Variants in CLASP2 observed in about 807,000 individuals in gnomAD.
CLASP2 encodes cytoplasmic linker associated protein 2.
In CLASP2, 47 loss-of-function variants were observed where a neutral mutation model predicts 194.4. The observed-to-expected ratio is 0.24, with a 90% CI of 0.19 to 0.31. CLASP2 has a LOEUF of 0.31. Ranked by LOEUF, CLASP2 falls within the 10% of genes least tolerant of loss-of-function variation. The pLI is 1.00. For missense variants in CLASP2, 1,445 were observed against 1,823.6 expected, an observed-to-expected ratio of 0.79 and a Z score of 3.78; for synonymous variants, 619 against 633.5, an observed-to-expected ratio of 0.98 and a Z score of 0.34.
intron 11 of CLASP2, among the ~76,000 whole-genome samples, chr3:33,621,720 C>T (rs2077139359): frequency 6.6e-6 from 1 of 152,102 alleles, no homozygotes; most frequent in Admixed American, 6.6e-5. Flanking sequence ...TGGAAGACTA[C>T]AAACTTAAAG....
At chr3:33,662,992 G>C (rs1289735148) in intron 7 of CLASP2, among the ~76,000 whole-genome samples, 1 of 151,984 alleles carries the variant, frequency 6.6e-6, no homozygotes, top group African/African-American at 2.4e-5. Flanking sequence ...TCCTGTGTAT[G>C]AGTCTCTTGA....
chr3:33,613,609 C>T (rs1448972550), intron 12 of CLASP2, among the ~76,000 whole-genome samples: 2 of 152,218 alleles, frequency 1.3e-5, no homozygotes, highest in East Asian at 1.9e-4. Flanking sequence ...GATCTATAGA[C>T]TTGAAGCTGT....
intron 9 of CLASP2, among the ~76,000 whole-genome samples, chr3:33,631,075 T>C (rs1354557766): frequency 6.6e-6 from 1 of 152,212 alleles, no homozygotes; most frequent in Non-Finnish European, 1.5e-5. Context: ...TAAGGACAAT[T>C]TTCCTTTCAG....
At chr3:33,675,144 C>G (rs373823560) in intron 6 of CLASP2, among the ~76,000 whole-genome samples, 2 of 152,066 alleles carry the variant, frequency 1.3e-5, no homozygotes, top group Non-Finnish European at 2.9e-5. Flanking sequence ...AAAAAGAGAA[C>G]TTTAGACCAA....
intron 16 of CLASP2, 100 bp from the exon 17 acceptor site, chr3:33,604,309 ATTTC>A: frequency 1.3e-6 from 1 of 767,818 alleles, no homozygotes; most frequent in South Asian, 1.7e-5. Flanking sequence ...GTTGAGAAGT[ATTTC>A]TTTTTTCTTT....
At chr3:33,653,741 TA>T (rs2083629342) in intron 7 of CLASP2, among the ~76,000 whole-genome samples, 1 of 152,126 alleles carries the variant, frequency 6.6e-6, no homozygotes, top group African/African-American at 2.4e-5. Flanking sequence ...TCTAGATGAA[TA>T]AATACTAGTC....
chr3:33,663,638 A>G (rs1364423355), intron 6 of CLASP2, 123 bp from the exon 7 acceptor site: 9 of 653,860 alleles, frequency 1.4e-5, no homozygotes, highest in Non-Finnish European at 1.0e-5. Context: ...TTTTCTATAC[A>G]ACTCTCTTTC....
chr3:33,706,354 A>G (rs1336118117), intron 1 of CLASP2, among the ~76,000 whole-genome samples: 1 of 152,246 alleles, frequency 6.6e-6, no homozygotes, highest in African/African-American at 2.4e-5. Context: ...ATTTGAAGAT[A>G]TCTTCTTTTA....
intron 7 of CLASP2, among the ~76,000 whole-genome samples, chr3:33,660,484 C>T (rs1263309779): frequency 6.6e-6 from 1 of 152,160 alleles, no homozygotes; most frequent in African/African-American, 2.4e-5. Context: ...AGTTATATCA[C>T]CTTTACAACA....
At chr3:33,547,325 T>G (rs1484708047) in intron 30 of CLASP2, among the ~76,000 whole-genome samples, 2 of 152,236 alleles carry the variant, frequency 1.3e-5, no homozygotes, top group African/African-American at 2.4e-5. Flanking sequence ...CCTCTCTGCC[T>G]GCTGACATCC....
intron 29 of CLASP2, among the ~76,000 whole-genome samples, chr3:33,556,210 A>C (rs564946758): frequency 1.3e-5 from 2 of 152,328 alleles, no homozygotes; most frequent in African/African-American, 4.8e-5. Context: ...AAGAGATGTA[A>C]AATTTTATAT....
rs9829183 is a variant in CLASP2 at position 33,531,732 on chromosome 3, G to A, written c.3787+3501C>T. On this transcript the variant is annotated intron_variant, in intron 34 of 38. Transcript: ENST00000682230. ...GGAGGTTGCAGTGAGCCAAGATCGC[G>A]CCATTGCACTCCAGCCTAGACGACA... 5.2e-3 allele frequency among the ~76,000 whole-genome samples: 786 copies of A among 152,230 alleles called. 10 individuals are homozygous for A. Among genetic ancestry groups the A allele is most frequent in the African/African-American group, 0.018 (762 of 41,530 alleles).
intron 6 of CLASP2, among the ~76,000 whole-genome samples, chr3:33,675,745 G>A (rs1303817816): frequency 1.4e-5 from 2 of 142,858 alleles, no homozygotes; most frequent in Non-Finnish European, 3.1e-5. Flanking sequence ...AAAGTCTCAG[G>A]ATACAAAATC....
At chr3:33,618,679 GGA>G (rs2076618796) in intron 12 of CLASP2, among the ~76,000 whole-genome samples, 3 of 151,918 alleles carry the variant, frequency 2.0e-5, no homozygotes, top group Non-Finnish European at 4.4e-5. Context: ...ATAAAAAAAA[GGA>G]AGTTAAAGAA....
At chr3:33,547,368 T>C (rs368375500) in intron 30 of CLASP2, among the ~76,000 whole-genome samples, 57 of 152,366 alleles carry the variant, frequency 3.7e-4, no homozygotes, top group African/African-American at 1.4e-3. Context: ...CCTTGACTTC[T>C]GCCATGATTG....
chr3:33,643,375 T>C (rs889193428), intron 8 of CLASP2, among the ~76,000 whole-genome samples: 1 of 151,868 alleles, frequency 6.6e-6, no homozygotes, highest in Non-Finnish European at 1.5e-5. Context: ...AAGAGAGCTA[T>C]TTGTTATAAA....
rs2045768468 is a variant in CLASP2 at position 33,496,310 on chromosome 3, T to G, written c.*2321A>C. On this transcript the variant is annotated 3_prime_UTR_variant, in exon 39 of 39. Coordinates refer to ENST00000682230, the MANE Select transcript of CLASP2 (RefSeq NM_001365631.1). ...AGTGCAGTAAATGAACAACACTTATTAATAATTAATTTGGGAGAGAATAGC... is the reference window on the plus strand; with the variant it reads ...AGTGCAGTAAATGAACAACACTTATGAATAATTAATTTGGGAGAGAATAGC... 1 of 152,206 alleles carries G rather than the reference T, an allele frequency of 6.6e-6. No homozygotes were observed. Among genetic ancestry groups the G allele is most frequent in the South Asian group, 2.1e-4 (1 of 4,834 alleles). 9.4% of individuals were successfully genotyped at this position (152,206 alleles called of 1,614,324 possible).
At chr3:33,671,843 G>C (rs1161819705) in intron 6 of CLASP2, among the ~76,000 whole-genome samples, 4 of 152,194 alleles carry the variant, frequency 2.6e-5, no homozygotes, top group Non-Finnish European at 1.5e-5. Context: ...CTGATTGCTA[G>C]CACAGCAGTC....
At chr3:33,677,204 G>A (rs1241895917) in intron 6 of CLASP2, among the ~76,000 whole-genome samples, 1 of 152,096 alleles carries the variant, frequency 6.6e-6, no homozygotes, top group Non-Finnish European at 1.5e-5. Context: ...CCATTACTGG[G>A]TATATACCCA....
Sources: allele counts gnomAD v4.1 joint callset (sites outside exome capture counted in the v4.1 genomes callset), GRCh38; gene constraint gnomAD v4.1.1; transcripts MANE v1.5; gene names NCBI Gene and HGNC (gene_info 2026-07-23, HGNC 2026-07-21).